Variants in GLI3 observed in about 807,000 individuals in gnomAD.
The protein encoded by GLI3 is transcription activator GLI3.
GLI3 carries 20 observed loss-of-function variants against 100.8 expected under a neutral mutation model. That is an observed-to-expected ratio of 0.20 (90% CI 0.14 to 0.29). GLI3 has a LOEUF of 0.29. GLI3 is among the 10% of genes least tolerant of loss of function. The pLI is 1.00. For synonymous variants in GLI3, 938 were observed against 860.5 expected (o/e 1.09, Z -1.58); for missense variants, 2,040 against 2,128.5 (o/e 0.96, Z 0.82).
intron 4 of GLI3, among the ~76,000 whole-genome samples, chr7:42,056,559 T>C (rs764044551): frequency 2.6e-5 from 4 of 152,202 alleles, no homozygotes; most frequent in African/African-American, 9.7e-5. Context: ...TTTTCTTACA[T>C]GGAGAATTTA....
intron 11 of GLI3, 90 bp from the exon 12 acceptor site, chr7:41,977,812 G>A: frequency 1.7e-6 from 2 of 1,173,098 alleles, no homozygotes; most frequent in Admixed American, 1.7e-5. Flanking sequence ...AAAAACTGAT[G>A]TTTCAAGGGT....
chr7:42,010,786 C>T (rs1469478354), intron 10 of GLI3, among the ~76,000 whole-genome samples: 2 of 152,180 alleles, frequency 1.3e-5, no homozygotes, highest in Non-Finnish European at 2.9e-5. Context: ...TATGAGGAAA[C>T]TGATTAATCA....
At chr7:42,067,054 A>G (rs1209089770) in intron 4 of GLI3, among the ~76,000 whole-genome samples, 1 of 152,198 alleles carries the variant, frequency 6.6e-6, no homozygotes, top group African/African-American at 2.4e-5. Context: ...AAAACATAAA[A>G]TACTTACTTT....
intron 2 of GLI3, among the ~76,000 whole-genome samples, chr7:42,199,441 A>G (rs1787993727): frequency 6.6e-6 from 1 of 152,196 alleles, no homozygotes; most frequent in Admixed American, 6.5e-5. Context: ...CGGGCACACA[A>G]GCAGGACTCC....
chr7:42,052,322 G>T (rs1387551528), intron 4 of GLI3, among the ~76,000 whole-genome samples: 1 of 152,134 alleles, frequency 6.6e-6, no homozygotes, highest in African/African-American at 2.4e-5. Flanking sequence ...TAGCAAATCT[G>T]ATCACACCAG....
At chr7:42,065,723 T>C (rs1259210761) in intron 4 of GLI3, among the ~76,000 whole-genome samples, 2 of 152,058 alleles carry the variant, frequency 1.3e-5, no homozygotes, top group East Asian at 3.9e-4. Context: ...CAAATGGAGC[T>C]AGTGGGCTCC....
At chr7:42,159,573 A>G (rs1787084614) in intron 2 of GLI3, among the ~76,000 whole-genome samples, 1 of 152,226 alleles carries the variant, frequency 6.6e-6, no homozygotes, top group Non-Finnish European at 1.5e-5. Flanking sequence ...AAAATGCACT[A>G]TTAGGAATTG....
chr7:42,028,348 T>C (rs1250067371), intron 7 of GLI3, among the ~76,000 whole-genome samples: 2 of 152,140 alleles, frequency 1.3e-5, no homozygotes, highest in Non-Finnish European at 2.9e-5. Flanking sequence ...AGACACGACA[T>C]TTGGGGGCTT....
At chr7:42,119,090 A>C (rs895005418) in intron 3 of GLI3, among the ~76,000 whole-genome samples, 2 of 152,208 alleles carry the variant, frequency 1.3e-5, no homozygotes, top group African/African-American at 4.8e-5. Context: ...AGGCTCAGCC[A>C]AGGGAAGGAG....
intron 10 of GLI3, among the ~76,000 whole-genome samples, chr7:42,019,820 A>C (rs1583796728): frequency 6.6e-6 from 1 of 152,190 alleles, no homozygotes. Flanking sequence ...TTTTCTTTCT[A>C]TATACTCCTC....
chr7:42,137,283 C>T (rs1786451535), intron 3 of GLI3, among the ~76,000 whole-genome samples: 1 of 152,188 alleles, frequency 6.6e-6, no homozygotes, highest in Admixed American at 6.5e-5. Context: ...ACATTCCATG[C>T]CTTCACAAAC....
At chr7:42,154,264 T>G (rs1053797120) in intron 2 of GLI3, among the ~76,000 whole-genome samples, 1 of 151,920 alleles carries the variant, frequency 6.6e-6, no homozygotes. Context: ...CCCGCACAGG[T>G]GCAATCCTCC....
At chr7:42,036,554 C>T (rs1583497966) in intron 7 of GLI3, among the ~76,000 whole-genome samples, 2 of 152,096 alleles carry the variant, frequency 1.3e-5, no homozygotes, top group Non-Finnish European at 2.9e-5. Flanking sequence ...CTATTACAGG[C>T]GTCTTTAACC....
chr7:42,075,401 C>T (rs1302909605), intron 4 of GLI3, among the ~76,000 whole-genome samples: 1 of 152,152 alleles, frequency 6.6e-6, no homozygotes, highest in Non-Finnish European at 1.5e-5. Flanking sequence ...GGCAGATCCT[C>T]ATCTGAGACC....
intron 13 of GLI3, among the ~76,000 whole-genome samples, chr7:41,968,351 A>G (rs1363729405): frequency 6.6e-6 from 1 of 152,238 alleles, no homozygotes; most frequent in African/African-American, 2.4e-5. Context: ...TGTGAAGCCC[A>G]GAGAGCACAC....
At chr7:42,124,536 G>C (rs1305206166) in intron 3 of GLI3, among the ~76,000 whole-genome samples, 1 of 152,202 alleles carries the variant, frequency 6.6e-6, no homozygotes, top group Non-Finnish European at 1.5e-5. Flanking sequence ...CACTGACCAA[G>C]GGATGAAAAG....
chr7:42,058,114 AAAAATT>A (rs1345416942), intron 4 of GLI3, among the ~76,000 whole-genome samples: 3 of 152,212 alleles, frequency 2.0e-5, no homozygotes, highest in Non-Finnish European at 2.9e-5. Flanking sequence ...TTCATCAGAA[AAAAATT>A]AAAATTAACT....
intron 9 of GLI3, 120 bp downstream of exon 9, chr7:42,025,144 T>C: frequency 2.8e-6 from 2 of 709,932 alleles, no homozygotes; most frequent in South Asian, 3.1e-5. Flanking sequence ...AGGTCAACAA[T>C]GCAGTGGACA....
intron 13 of GLI3, among the ~76,000 whole-genome samples, chr7:41,969,336 C>T (rs928093947): frequency 1.3e-5 from 2 of 152,178 alleles, no homozygotes; most frequent in African/African-American, 4.8e-5. Flanking sequence ...GATAACTACA[C>T]TCACTCGGTT....
Sources: allele counts gnomAD v4.1 joint callset (sites outside exome capture counted in the v4.1 genomes callset), GRCh38; gene constraint gnomAD v4.1.1; transcripts MANE v1.5; gene names NCBI Gene and HGNC (gene_info 2026-07-23, HGNC 2026-07-21).